Variants in TLN2 observed in about 807,000 individuals in gnomAD.
The protein encoded by TLN2 is talin-2.
Under a neutral mutation model 294.7 loss-of-function variants are expected in TLN2, and 118 were observed. That is an observed-to-expected ratio of 0.40 (90% CI 0.34 to 0.47). The LOEUF is 0.47. Among genes scored for constraint, TLN2 ranks in the 20% least tolerant of loss-of-function variants. The probability of loss-of-function intolerance (pLI) is 0.84; values close to 1 mark genes in which losing one functional copy is unlikely to be tolerated. For synonymous variants in TLN2, 1,431 were observed against 1,304.5 expected, an observed-to-expected ratio of 1.10 and a Z score of -2.09; for missense variants, 3,083 against 3,282.2, an observed-to-expected ratio of 0.94 and a Z score of 1.48.
At chr15:62,416,972 T>C (rs1386671024) in intron 1 of TLN2, among the ~76,000 whole-genome samples, 1 of 152,108 alleles carries the variant, frequency 6.6e-6, no homozygotes, top group African/African-American at 2.4e-5. Context: ...GCTTCCTATC[T>C]CCAGAACATC....
chr15:62,630,867 T>C (rs2049740528), intron 3 of TLN2, among the ~76,000 whole-genome samples: 1 of 152,114 alleles, frequency 6.6e-6, no homozygotes, highest in Admixed American at 6.5e-5. Context: ...TCAGACGAGT[T>C]CACCAAGAGA....
intron 43 of TLN2, among the ~76,000 whole-genome samples, chr15:62,777,468 A>C (rs912948821): frequency 6.6e-6 from 1 of 151,414 alleles, no homozygotes; most frequent in African/African-American, 2.4e-5. Flanking sequence ...CCCAGGAGGC[A>C]GAGGTTGCGG....
intron 34 of TLN2, among the ~76,000 whole-genome samples, chr15:62,752,044 C>T (rs1434268791): frequency 6.6e-6 from 1 of 152,112 alleles, no homozygotes; most frequent in Non-Finnish European, 1.5e-5. Context: ...CTTTTATAGA[C>T]TCTACTATAT....
chr15:62,486,229 C>A (rs2038384487), intron 1 of TLN2, among the ~76,000 whole-genome samples: 1 of 152,054 alleles, frequency 6.6e-6, no homozygotes, highest in South Asian at 2.1e-4. Context: ...CTAGCCTGTC[C>A]TTGCTGGCAG....
At chr15:62,633,411 C>G (rs1309931808) in intron 3 of TLN2, among the ~76,000 whole-genome samples, 1 of 152,210 alleles carries the variant, frequency 6.6e-6, no homozygotes, top group African/African-American at 2.4e-5. Flanking sequence ...GTCCTCCTAC[C>G]TTAGGCCCCT....
At position 62,652,099 on chromosome 15, in the gene TLN2, TG is replaced by T; in HGVS notation, c.334del (p.Glu112SerfsTer10). 2 of 1,608,220 alleles carry T rather than the reference TG, an allele frequency of 1.2e-6. No homozygotes were observed. Among genetic ancestry groups the T allele is most frequent in the Non-Finnish European group, 1.7e-6 (2 of 1,176,720 alleles). ...GTGATGGTGGATGATTCCAAGACTG[TG>T]GGGGAGCTCCTGGTCACTATTTGTA... ...KTVMVDDSKTVGELLVTICSR... is the reference protein window; with the variant it reads ...KTVMVDDSKTXGELLVTICSR... On this transcript the variant is annotated frameshift_variant, in exon 6 of 59. Coordinates refer to ENST00000636159, the MANE Select transcript of TLN2 (RefSeq NM_015059.3). LOFTEE classifies it high-confidence loss of function.
In TLN2 at chr15:62,836,054, A is replaced by G. The variant is rs2069514716; in HGVS notation, c.7355A>G (p.Glu2452Gly). ...ACKVKADQDS[E>G]AMRRLQAAGN... ...AAGGTGAAGGCCGACCAGGATTCAG[A>G]GGCCATGAGGCGGCTACAGGTAATG... The change falls in exon 57 of 59, where the codon GAG (glutamate) becomes GGG (glycine). Residue 2452 changes from glutamate to glycine, a missense_variant. Physicochemically the swap from Glu to Gly is moderately conservative, Grantham distance 98 (BLOSUM62 -2). Transcript: ENST00000636159. 1.2e-6 allele frequency: 2 copies of G among 1,610,976 alleles called. No individual in the cohort carries two copies. Among genetic ancestry groups the G allele is most frequent in the Non-Finnish European group, 8.5e-7 (1 of 1,178,694 alleles).
At chr15:62,632,755 T>C (rs766052815) in intron 3 of TLN2, among the ~76,000 whole-genome samples, 7 of 152,196 alleles carry the variant, frequency 4.6e-5, no homozygotes, top group African/African-American at 1.7e-4. Flanking sequence ...ATCCACAAAA[T>C]ACTGTGTCCT....
At chr15:62,616,739 G>C (rs1165557703) in intron 2 of TLN2, among the ~76,000 whole-genome samples, 1 of 152,142 alleles carries the variant, frequency 6.6e-6, no homozygotes, top group African/African-American at 2.4e-5. Context: ...GTCTCATCTG[G>C]ACATTTGTCT....
rs2061198375 is a variant in TLN2, at chr15:62,739,428, G to A, written c.3768G>A (p.Gly1256=). 1 of 1,614,188 alleles carries A rather than the reference G, an allele frequency of 6.2e-7. No individual in the cohort carries two copies. The highest frequency in any genetic ancestry group is 2.2e-5 in the East Asian group (1 of 44,886). Residue 1256 remains glycine (G), a synonymous_variant, in exon 31 of 59, where the codon GGG becomes GGA. Coordinates refer to ENST00000636159, the MANE Select transcript of TLN2 (RefSeq NM_015059.3). ...QAAADLNQSA[G]EVVHATRGQS... ...CAGCTGATCTGAACCAGTCTGCTGG[G>A]GAAGTGGTCCATGCCACCCGGGGCC...
intron 1 of TLN2, among the ~76,000 whole-genome samples, chr15:62,475,975 G>T (rs1313180893): frequency 1.3e-5 from 2 of 152,204 alleles, no homozygotes; most frequent in African/African-American, 4.8e-5. Flanking sequence ...TGCTGATTTA[G>T]GGCAAGGCCT....
chr15:62,585,720 T>C (rs2045542639), intron 1 of TLN2, among the ~76,000 whole-genome samples: 1 of 152,224 alleles, frequency 6.6e-6, no homozygotes, highest in Non-Finnish European at 1.5e-5. Flanking sequence ...AGCAAGCTCC[T>C]GGTCCCTTTG....
chr15:62,800,330 T>A, intron 48 of TLN2, 38 bp from the exon 49 acceptor site: 1 of 1,604,132 alleles, frequency 6.2e-7, no homozygotes, highest in African/African-American at 1.3e-5. Context: ...AGCTGACATC[T>A]TGACGCCTGC....
intron 1 of TLN2, among the ~76,000 whole-genome samples, chr15:62,549,017 G>C (rs1051064102): frequency 6.6e-6 from 1 of 152,154 alleles, no homozygotes; most frequent in African/African-American, 2.4e-5. Flanking sequence ...AACTATATCT[G>C]CTTATGCCCA....
At chr15:62,693,394 C>A (rs557164225) in intron 13 of TLN2, among the ~76,000 whole-genome samples, 6 of 152,274 alleles carry the variant, frequency 3.9e-5, no homozygotes, top group Middle Eastern at 3.4e-3. Context: ...AGTGTGAGAT[C>A]TTTGACCTCA....
intron 1 of TLN2, among the ~76,000 whole-genome samples, chr15:62,402,799 T>C (rs979404152): frequency 6.6e-6 from 1 of 152,216 alleles, no homozygotes; most frequent in African/African-American, 2.4e-5. Context: ...CTAAACTTAC[T>C]AACCTACCAG....
intron 1 of TLN2, among the ~76,000 whole-genome samples, chr15:62,569,833 A>G (rs748144585): frequency 2.0e-5 from 3 of 152,188 alleles, no homozygotes; most frequent in African/African-American, 7.2e-5. Flanking sequence ...TCAAATGAGA[A>G]GCTATGATTT....
At chr15:62,676,461 CAGTG>C (rs932382675) in intron 11 of TLN2, among the ~76,000 whole-genome samples, 2 of 152,114 alleles carry the variant, frequency 1.3e-5, no homozygotes, top group African/African-American at 4.8e-5. Flanking sequence ...TTTAAAAGAT[CAGTG>C]AGTATTTAAA....
At chr15:62,809,786 G>A (rs1466166219) in intron 51 of TLN2, 139 bp from the exon 52 acceptor site, 3 of 725,426 alleles carry the variant, frequency 4.1e-6, no homozygotes, top group East Asian at 2.7e-5. Flanking sequence ...AGGACGTAGA[G>A]GAGAGATACC....
Sources: allele counts gnomAD v4.1 joint callset (sites outside exome capture counted in the v4.1 genomes callset), GRCh38; gene constraint gnomAD v4.1.1; transcripts MANE v1.5; gene names NCBI Gene and HGNC (gene_info 2026-07-23, HGNC 2026-07-21).